The following FOXP1 variants were observed in gnomAD, a reference collection of about 807,000 sequenced individuals.
FOXP1 encodes forkhead box protein P1.
FOXP1 carries 15 observed loss-of-function variants against 98.2 expected under a neutral mutation model. The ratio of observed to expected loss-of-function variants is 0.15; its 90% CI spans 0.10 to 0.24. FOXP1 has a LOEUF of 0.24. Ranked by LOEUF, FOXP1 falls within the 10% of genes least tolerant of loss-of-function variation. The pLI, the probability that FOXP1 is intolerant of heterozygous loss-of-function variation, is 1.00. For missense variants in FOXP1, 633 were observed against 848.5 expected (o/e 0.75, Z 3.15); for synonymous variants, 371 against 314.5 (o/e 1.18, Z -1.90).
At chr3:71,240,244 C>T (rs970883345) in intron 5 of FOXP1, among the ~76,000 whole-genome samples, 5 of 152,230 alleles carry the variant, frequency 3.3e-5, no homozygotes, top group African/African-American at 1.2e-4. Flanking sequence ...CTGGCTTCGG[C>T]GAGAGCCATG....
At chr3:70,974,467 T>A (rs2037066397) in intron 17 of FOXP1, among the ~76,000 whole-genome samples, 1 of 151,318 alleles carries the variant, frequency 6.6e-6, no homozygotes, top group Non-Finnish European at 1.5e-5. Flanking sequence ...CCAGCTAATT[T>A]TAAAAATTTT....
intron 20 of FOXP1, among the ~76,000 whole-genome samples, chr3:70,960,322 A>C (rs1462032081): frequency 1.3e-5 from 2 of 152,300 alleles, no homozygotes; most frequent in Non-Finnish European, 2.9e-5. Context: ...GCTGTAAACA[A>C]GGCAAAACAT....
At chr3:71,177,017 C>T (rs1171637006) in intron 6 of FOXP1, among the ~76,000 whole-genome samples, 5 of 151,188 alleles carry the variant, frequency 3.3e-5, no homozygotes, top group East Asian at 4.0e-4. Context: ...GAGCCGAGAT[C>T]GTGCCACTGC....
In FOXP1 at chr3:71,427,428, T is replaced by C. The variant is rs59284154; in HGVS notation, c.-168+65998A>G. Among the ~76,000 whole-genome samples, 498 of 152,302 alleles carry C rather than the reference T, an allele frequency of 3.3e-3. 2 individuals carry two copies. Among genetic ancestry groups the C allele is most frequent in the African/African-American group, 0.012 (480 of 41,564 alleles). On this transcript the variant is annotated intron_variant, in intron 3 of 20. Coordinates refer to ENST00000649528, the MANE Select transcript of FOXP1 (RefSeq NM_001349338.3). ...GCGAAGGGCATGTAAAGCGTAAAGCTAGCGAGAACTGGAAACCATGCCGCA... is the reference window on the plus strand; with the variant it reads ...GCGAAGGGCATGTAAAGCGTAAAGCCAGCGAGAACTGGAAACCATGCCGCA...
At chr3:70,998,028 C>A (rs942175660) in intron 13 of FOXP1, among the ~76,000 whole-genome samples, 1 of 152,164 alleles carries the variant, frequency 6.6e-6, no homozygotes, top group Non-Finnish European at 1.5e-5. Context: ...GTTTTATACA[C>A]CCTGGCTAAG....
intron 12 of FOXP1, among the ~76,000 whole-genome samples, chr3:71,004,447 A>G (rs1336014074): frequency 6.6e-6 from 1 of 152,178 alleles, no homozygotes; most frequent in East Asian, 1.9e-4. Flanking sequence ...CACCAATAAA[A>G]TGAAAAGAGA....
intron 5 of FOXP1, among the ~76,000 whole-genome samples, chr3:71,266,684 T>C (rs1306695098): frequency 6.6e-6 from 1 of 152,208 alleles, no homozygotes; most frequent in African/African-American, 2.4e-5. Flanking sequence ...ACTGCCCAAA[T>C]AGGGACCACT....
chr3:71,137,778 T>G (rs2059892097), intron 6 of FOXP1, among the ~76,000 whole-genome samples: 1 of 35,056 alleles, frequency 2.9e-5, no homozygotes, highest in African/African-American at 3.4e-5. Flanking sequence ...ATAATTCTAT[T>G]TATTTATTTA....
chr3:71,243,216 G>A (rs918542142), intron 5 of FOXP1, among the ~76,000 whole-genome samples: 5 of 152,194 alleles, frequency 3.3e-5, no homozygotes, highest in Non-Finnish European at 7.3e-5. Context: ...CCACTCAGAT[G>A]TGTTTTTCGA....
At position 71,112,563 on chromosome 3, in the gene FOXP1, C is replaced by T; in HGVS notation, c.255G>A (p.Lys85=). 1 of 1,613,996 alleles carries T rather than the reference C, an allele frequency of 6.2e-7. No homozygotes were observed. The highest frequency in any genetic ancestry group is 8.5e-7 in the Non-Finnish European group (1 of 1,179,876). ...QQQVSGLKSP[K]RNDKQPALQV... The stretch of plus-strand genomic sequence containing the variant: ...GAAGAGCTGGTTGTTTGTCATTCCT[C>T]TTGGGAGATTTTAATCCACTAACTT... The change falls in exon 7 of 21, where the codon AAG becomes AAA. Residue 85 remains lysine, a synonymous_variant. Transcript: ENST00000649528.
At chr3:71,137,119 T>G (rs1575961922) in intron 6 of FOXP1, among the ~76,000 whole-genome samples, 1 of 152,190 alleles carries the variant, frequency 6.6e-6, no homozygotes, top group Non-Finnish European at 1.5e-5. Context: ...TAGTGGGTGG[T>G]GGGAGAGTAT....
At chr3:71,518,490 T>C (rs1247227462) in intron 2 of FOXP1, among the ~76,000 whole-genome samples, 2 of 151,804 alleles carry the variant, frequency 1.3e-5, no homozygotes, top group African/African-American at 4.8e-5. Context: ...TTTGGGCCCT[T>C]TTCTCCCTCT....
At chr3:71,515,433 C>CAAAAAA (rs35322006) in intron 2 of FOXP1, among the ~76,000 whole-genome samples, 16 of 96,918 alleles carry the variant, frequency 1.7e-4, no homozygotes, top group East Asian at 2.7e-4. Context: ...ATTTACACAG[C>CAAAAAA]AAAAAAAAAA....
rs367988506 is a variant in FOXP1, at chr3:71,580,498, G to T, written c.-298+1051C>A. 1.8e-3 allele frequency among the ~76,000 whole-genome samples: 278 copies of T among 152,290 alleles called. 1 individual carries two copies. Among genetic ancestry groups the T allele is most frequent in the Middle Eastern group, 0.014 (4 of 294 alleles). On this transcript the variant is annotated intron_variant, in intron 2 of 20. Coordinates refer to ENST00000649528, the MANE Select transcript of FOXP1 (RefSeq NM_001349338.3). Reference sequence around the variant, plus strand: ...TTCCACTTTGAGAATCAAAACTCCAGTGGAATTCTAAAAAAGATTTGATAC... The same window carrying T: ...TTCCACTTTGAGAATCAAAACTCCATTGGAATTCTAAAAAAGATTTGATAC...
intron 2 of FOXP1, among the ~76,000 whole-genome samples, chr3:71,510,468 C>T (rs2042125790): frequency 6.6e-6 from 1 of 151,998 alleles, no homozygotes; most frequent in Non-Finnish European, 1.5e-5. Flanking sequence ...CAGAGTGAGA[C>T]TCTGTCTCTA....
chr3:71,221,930 G>A (rs560937012), intron 5 of FOXP1, among the ~76,000 whole-genome samples: 5 of 152,252 alleles, frequency 3.3e-5, no homozygotes, highest in African/African-American at 1.2e-4. Context: ...CGAGGCAGGC[G>A]GATCACGAGG....
chr3:71,356,994 G>A (rs1203321570), intron 4 of FOXP1, among the ~76,000 whole-genome samples: 1 of 152,144 alleles, frequency 6.6e-6, no homozygotes, highest in African/African-American at 2.4e-5. Flanking sequence ...CTTGTCCCGT[G>A]CACCCCACTC....
intron 5 of FOXP1, among the ~76,000 whole-genome samples, chr3:71,222,688 G>T (rs1464652481): frequency 1.3e-5 from 2 of 152,170 alleles, no homozygotes; most frequent in Non-Finnish European, 2.9e-5. Context: ...CAAAGCCTTG[G>T]TCTTTTTCAA....
At chr3:71,431,747 G>T (rs972243907) in intron 3 of FOXP1, among the ~76,000 whole-genome samples, 4 of 152,182 alleles carry the variant, frequency 2.6e-5, no homozygotes, top group Non-Finnish European at 5.9e-5. Context: ...GACGAATGGA[G>T]ACTAACTTTT....
Sources: gnomAD v4.1 joint callset for allele counts (sites outside exome capture counted in the v4.1 genomes callset) on GRCh38, gnomAD v4.1.1 for gene constraint, MANE v1.5 for transcripts, NCBI Gene and HGNC (gene_info 2026-07-23, HGNC 2026-07-21) for gene names.